Variants in CNTNAP2 observed in about 807,000 individuals in gnomAD.
CNTNAP2 encodes the protein contactin associated protein 2.
A neutral mutation model predicts 155.2 loss-of-function variants in CNTNAP2; 98 were observed. The observed-to-expected ratio is 0.63, with a 90% CI of 0.54 to 0.75. CNTNAP2 has a LOEUF of 0.75. Among genes scored for constraint, CNTNAP2 ranks in the 30% least tolerant of loss-of-function variants. CNTNAP2 has a pLI of 0.00. For synonymous variants in CNTNAP2, 651 were observed against 631.2 expected (o/e 1.03, Z -0.47); for missense variants, 1,727 against 1,688.1 (o/e 1.02, Z -0.40).
intron 13 of CNTNAP2, among the ~76,000 whole-genome samples, chr7:147,832,117 TC>T (rs1175786424): frequency 6.7e-6 from 1 of 148,166 alleles, no homozygotes; most frequent in Non-Finnish European, 1.5e-5. Context: ...AATTTTATAA[TC>T]ATACAATTAT....
chr7:147,587,362 G>A (rs138289742), intron 12 of CNTNAP2, among the ~76,000 whole-genome samples: 82 of 152,266 alleles, frequency 5.4e-4, no homozygotes, highest in Middle Eastern at 3.4e-3. Context: ...GCATAAAGTT[G>A]GTGAGCCTTC....
intron 21 of CNTNAP2, among the ~76,000 whole-genome samples, chr7:148,316,378 C>T (rs1046871192): frequency 3.3e-5 from 5 of 151,810 alleles, no homozygotes; most frequent in African/African-American, 1.2e-4. Flanking sequence ...AAGCTGGCTG[C>T]CAAGACTGCA....
chr7:147,717,914 G>A (rs151095738), intron 13 of CNTNAP2, among the ~76,000 whole-genome samples: 5 of 151,506 alleles, frequency 3.3e-5, no homozygotes, highest in African/African-American at 4.8e-5. Flanking sequence ...TAAAGGTAGC[G>A]CAAATAGCCT....
At chr7:148,307,972 C>T (rs1797519028) in intron 21 of CNTNAP2, among the ~76,000 whole-genome samples, 1 of 151,458 alleles carries the variant, frequency 6.6e-6, no homozygotes. Flanking sequence ...GACCCTGTCT[C>T]AAAAAAAAGA....
chr7:148,085,116 A>T (rs1296368784), intron 15 of CNTNAP2, among the ~76,000 whole-genome samples: 1 of 152,220 alleles, frequency 6.6e-6, no homozygotes, highest in Non-Finnish European at 1.5e-5. Flanking sequence ...AACAGCCATT[A>T]CTAAATGTAA....
At chr7:147,659,224 A>G (rs1795577058) in intron 13 of CNTNAP2, among the ~76,000 whole-genome samples, 1 of 152,212 alleles carries the variant, frequency 6.6e-6, no homozygotes, top group South Asian at 2.1e-4. Flanking sequence ...GGGAAAAATG[A>G]TGATGATTGA....
At chr7:146,355,286 T>C (rs73162163) in intron 1 of CNTNAP2, among the ~76,000 whole-genome samples, 1,932 of 152,300 alleles carry the variant, frequency 0.013, 44 homozygotes, top group Middle Eastern at 0.061. Context: ...CATTTTTGTT[T>C]AGTAGGTTTA....
chr7:147,003,324 T>C (rs977365905), intron 3 of CNTNAP2, among the ~76,000 whole-genome samples: 1 of 150,810 alleles, frequency 6.6e-6, no homozygotes, highest in Non-Finnish European at 1.5e-5. Context: ...AACATAAGAA[T>C]AGGCAAACCA....
intron 13 of CNTNAP2, among the ~76,000 whole-genome samples, chr7:147,868,488 C>G (rs565131551): frequency 1.3e-5 from 2 of 152,298 alleles, no homozygotes; most frequent in African/African-American, 4.8e-5. Context: ...CTGGGAGAAC[C>G]ACTGCTCTCT....
chr7:148,337,715 C>A (rs1397185439), intron 21 of CNTNAP2, among the ~76,000 whole-genome samples: 1 of 152,192 alleles, frequency 6.6e-6, no homozygotes, highest in African/African-American at 2.4e-5. Context: ...GTATTTCTAG[C>A]CAGCTCTTGG....
At chr7:147,574,715 T>G (rs1213434075) in intron 12 of CNTNAP2, among the ~76,000 whole-genome samples, 2 of 152,144 alleles carry the variant, frequency 1.3e-5, no homozygotes, top group East Asian at 3.8e-4. Flanking sequence ...GCATGAACAT[T>G]CAGTATTTGG....
intron 1 of CNTNAP2, among the ~76,000 whole-genome samples, chr7:146,397,772 C>G (rs1203153562): frequency 6.6e-6 from 1 of 151,954 alleles, no homozygotes; most frequent in African/African-American, 2.4e-5. Context: ...ATACAAGCCC[C>G]AAAAGAGAAA....
intron 10 of CNTNAP2, among the ~76,000 whole-genome samples, chr7:147,406,794 A>C (rs535657342): frequency 9.2e-5 from 14 of 152,334 alleles, no homozygotes; most frequent in African/African-American, 3.4e-4. Context: ...GTCTGTAATA[A>C]ATTTTAACAA....
At chr7:147,260,086 G>A (rs531434033) in intron 8 of CNTNAP2, among the ~76,000 whole-genome samples, 3 of 152,208 alleles carry the variant, frequency 2.0e-5, no homozygotes, top group South Asian at 4.1e-4. Flanking sequence ...GTTTTTCCGC[G>A]GAAACTATGG....
At chr7:148,261,027 C>T (rs555309567) in intron 20 of CNTNAP2, among the ~76,000 whole-genome samples, 8 of 152,322 alleles carry the variant, frequency 5.3e-5, no homozygotes, top group East Asian at 1.9e-4. Context: ...CGATTTCCCT[C>T]GGCCTCAACT....
intron 3 of CNTNAP2, among the ~76,000 whole-genome samples, chr7:146,857,281 A>C (rs1395197515): frequency 1.3e-5 from 2 of 152,102 alleles, no homozygotes; most frequent in Non-Finnish European, 2.9e-5. Context: ...AATAAGAATA[A>C]AGAGTAAAAG....
chr7:146,872,949 A>G (rs1795344354), intron 3 of CNTNAP2, among the ~76,000 whole-genome samples: 4 of 152,202 alleles, frequency 2.6e-5, no homozygotes, highest in Admixed American at 6.6e-5. Flanking sequence ...AACTATCCCA[A>G]CATAGCACCT....
intron 1 of CNTNAP2, among the ~76,000 whole-genome samples, chr7:146,222,055 G>A (rs1473764254): frequency 6.6e-6 from 1 of 152,174 alleles, no homozygotes; most frequent in Non-Finnish European, 1.5e-5. Flanking sequence ...CAAGAAGGTG[G>A]AAATAGAACT....
At chr7:147,896,438 G>A (rs1799777753) in intron 13 of CNTNAP2, among the ~76,000 whole-genome samples, 4 of 152,196 alleles carry the variant, frequency 2.6e-5, no homozygotes, top group Admixed American at 2.6e-4. Flanking sequence ...CTGTGCAGGA[G>A]ACCAGAGTTT....
Sources: allele counts gnomAD v4.1 joint callset (sites outside exome capture counted in the v4.1 genomes callset), GRCh38; gene constraint gnomAD v4.1.1; transcripts MANE v1.5; gene names NCBI Gene and HGNC (gene_info 2026-07-23, HGNC 2026-07-21).